SETBP1: variants seen among roughly 807,000 people sequenced by gnomAD.
SETBP1 encodes SET-binding protein.
Under a neutral mutation model 101.0 loss-of-function variants are expected in SETBP1, and 9 were observed. That is an observed-to-expected ratio of 0.09 (90% confidence interval 0.05 to 0.16). The LOEUF (loss-of-function observed/expected upper bound fraction) is 0.16. SETBP1 is among the 10% of genes least tolerant of loss of function. SETBP1 has a pLI of 1.00. For missense variants in SETBP1, 1,858 were observed against 2,033.8 expected, an observed-to-expected ratio of 0.91 and a Z score of 1.66; for synonymous variants, 818 against 788.5, an observed-to-expected ratio of 1.04 and a Z score of -0.63.
chr18:44,686,054 C>G (rs538992840), intron 1 of SETBP1, among the ~76,000 whole-genome samples: 2 of 152,296 alleles, frequency 1.3e-5, no homozygotes, highest in Admixed American at 1.3e-4. Flanking sequence ...CATCAAGAAA[C>G]CACAATACTT....
chr18:44,967,727 AT>A (rs1320529765), intron 4 of SETBP1, among the ~76,000 whole-genome samples: 1 of 151,886 alleles, frequency 6.6e-6, no homozygotes, highest in Non-Finnish European at 1.5e-5. Context: ...ATTACTTCTA[AT>A]TTTTTCCATG....
chr18:44,712,373 T>G (rs2852779), intron 2 of SETBP1, among the ~76,000 whole-genome samples: 25,420 of 152,050 alleles, frequency 0.17, 2,134 homozygotes, highest in African/African-American at 0.19. Context: ...TGCCCAGGAG[T>G]GTGGACAGCC....
intron 3 of SETBP1, among the ~76,000 whole-genome samples, chr18:44,892,044 AT>A (rs1361300752): frequency 6.6e-6 from 1 of 152,194 alleles, no homozygotes; most frequent in Non-Finnish European, 1.5e-5. Context: ...AACAACAGAA[AT>A]TAAGCTCAAA....
At chr18:45,046,392 T>C (rs527418634) in intron 5 of SETBP1, among the ~76,000 whole-genome samples, 83 of 152,340 alleles carry the variant, frequency 5.4e-4, no homozygotes, top group African/African-American at 1.9e-3. Flanking sequence ...GTTCACCAGA[T>C]GGAGCAACCT....
chr18:44,962,831 T>C (rs1224091874), intron 4 of SETBP1, among the ~76,000 whole-genome samples: 1 of 152,086 alleles, frequency 6.6e-6, no homozygotes, highest in African/African-American at 2.4e-5. Context: ...GTGCGGGGGC[T>C]GGGGAGAAAG....
At position 44,984,441 on chromosome 18, in the gene SETBP1, T is replaced by C. The variant is rs569454171; in HGVS notation, c.4000+31101T>C. Among the ~76,000 whole-genome samples, 4 of 152,318 alleles carry C rather than the reference T, an allele frequency of 2.6e-5. No individual in the cohort carries two copies. The East Asian group carries it at 5.8e-4, about 22-fold the overall frequency. On this transcript the variant is annotated intron_variant, in intron 4 of 5. Coordinates refer to ENST00000649279, the MANE Select transcript of SETBP1 (RefSeq NM_015559.3). ...TAGGGTTCAGGCTCCTATGAGAATC[T>C]AATGCTGCTGTTGATCTGACAGGAG...
At position 45,064,808 on chromosome 18, in the gene SETBP1, CA is replaced by C. The variant is rs57937684; in HGVS notation, c.*1127del. The C allele has an allele frequency of 0.026, 1,983 of 77,612 alleles. 23 individuals are homozygous for C. Among genetic ancestry groups the C allele is most frequent in the South Asian group, 0.14 (355 of 2,484 alleles). 4.8% of individuals were successfully genotyped at this position (77,612 alleles called of 1,614,324 possible). A position where few individuals can be genotyped will look rare whatever the true frequency, so the allele number is the denominator to read the frequency against. On this transcript the variant is annotated 3_prime_UTR_variant, in exon 6 of 6. Coordinates refer to ENST00000649279, the MANE Select transcript of SETBP1 (RefSeq NM_015559.3). Reference sequence around the variant, plus strand: ...ATTCAAATAATTGTCATAGGTTGTTCAAAAAAAAAAAAAAAAAGGAAACAAA... The same window carrying C: ...ATTCAAATAATTGTCATAGGTTGTTCAAAAAAAAAAAAAAAAGGAAACAAA...
At position 44,739,912 on chromosome 18, in the gene SETBP1, A is replaced by G. The variant is rs182489207; in HGVS notation, c.486+38080A>G. Among the ~76,000 whole-genome samples the G allele has an allele frequency of 1.6e-3, 246 of 152,322 alleles. 5 individuals carry two copies. Among genetic ancestry groups the G allele is most frequent in the Admixed American group, 0.016 (243 of 15,308 alleles). On this transcript the variant is annotated intron_variant, in intron 2 of 5. Coordinates refer to ENST00000649279, the MANE Select transcript of SETBP1 (RefSeq NM_015559.3). ...TCCCATGTGACCTTCTATGAAGATC[A>G]GAAGAATAGAAAACCTGAAGAATAG...
At chr18:44,715,871 G>T (rs1011440483) in intron 2 of SETBP1, among the ~76,000 whole-genome samples, 4 of 152,128 alleles carry the variant, frequency 2.6e-5, no homozygotes, top group Non-Finnish European at 4.4e-5. Flanking sequence ...AAGTGGGCGC[G>T]TCCAGATACC....
chr18:44,998,057 G>T (rs1280921315), intron 4 of SETBP1, among the ~76,000 whole-genome samples: 1 of 152,210 alleles, frequency 6.6e-6, no homozygotes, highest in Admixed American at 6.5e-5. Context: ...GTGAGAGGCC[G>T]TTTAGCAGCC....
chr18:44,897,613 C>T (rs953508154), intron 3 of SETBP1, among the ~76,000 whole-genome samples: 2 of 152,094 alleles, frequency 1.3e-5, no homozygotes, highest in African/African-American at 4.8e-5. Context: ...ACTGCAGGTG[C>T]GTCTGTGAGA....
At chr18:45,015,551 C>T (rs1276952142) in intron 4 of SETBP1, among the ~76,000 whole-genome samples, 1 of 152,226 alleles carries the variant, frequency 6.6e-6, no homozygotes, top group African/African-American at 2.4e-5. Flanking sequence ...AACATCCACT[C>T]ATGCCCCAAG....
intron 3 of SETBP1, among the ~76,000 whole-genome samples, chr18:44,893,940 A>G (rs1175825556): frequency 6.6e-6 from 1 of 152,046 alleles, no homozygotes; most frequent in Admixed American, 6.6e-5. Flanking sequence ...AACTTTGTCC[A>G]TTTCTTTATG....
chr18:44,798,073 G>A (rs1465618615), intron 2 of SETBP1, among the ~76,000 whole-genome samples: 1 of 152,114 alleles, frequency 6.6e-6, no homozygotes, highest in East Asian at 1.9e-4. Context: ...ATGCTTTTAG[G>A]CCAGGAAATA....
intron 3 of SETBP1, among the ~76,000 whole-genome samples, chr18:44,896,691 C>T (rs960750394): frequency 5.9e-5 from 9 of 151,982 alleles, no homozygotes; most frequent in Middle Eastern, 3.2e-3. Context: ...GGTTTCACCA[C>T]GTTGGTCAGG....
At chr18:44,770,278 G>A (rs947887539) in intron 2 of SETBP1, among the ~76,000 whole-genome samples, 2 of 152,194 alleles carry the variant, frequency 1.3e-5, no homozygotes, top group East Asian at 1.9e-4. Flanking sequence ...TAAGTAAAAC[G>A]TGCTGAGTAT....
chr18:44,937,870 A>G (rs935925757), intron 3 of SETBP1, among the ~76,000 whole-genome samples: 1 of 152,056 alleles, frequency 6.6e-6, no homozygotes, highest in African/African-American at 2.4e-5. Flanking sequence ...CTACACTCCA[A>G]TCTTCCTCTC....
chr18:44,686,924 CT>C (rs2068849802), intron 1 of SETBP1, among the ~76,000 whole-genome samples: 1 of 152,170 alleles, frequency 6.6e-6, no homozygotes, highest in Admixed American at 6.5e-5. Context: ...ATAATAGTGC[CT>C]ACTGGAGTCT....
At chr18:44,970,917 G>A (rs1464636962) in intron 4 of SETBP1, among the ~76,000 whole-genome samples, 1 of 151,756 alleles carries the variant, frequency 6.6e-6, no homozygotes. Context: ...TGCACAACGT[G>A]CAGGTTTGTT....
Sources: gnomAD v4.1 joint callset for allele counts (sites outside exome capture counted in the v4.1 genomes callset) on GRCh38, gnomAD v4.1.1 for gene constraint, MANE v1.5 for transcripts, NCBI Gene and HGNC (gene_info 2026-07-23, HGNC 2026-07-21) for gene names.